Variants in DLG4 observed in about 807,000 individuals in gnomAD.
The protein encoded by DLG4 is disks large homolog 4.
Under a neutral mutation model 93.8 loss-of-function variants are expected in DLG4, and 7 were observed. That is an observed-to-expected ratio of 0.07 (90% CI 0.04 to 0.14). The LOEUF is 0.14. Ranked by LOEUF, DLG4 falls within the 10% of genes least tolerant of loss-of-function variation. The pLI is 1.00. For synonymous variants in DLG4, 341 were observed against 387.6 expected (o/e 0.88, Z 1.41); for missense variants, 545 against 992.9 (o/e 0.55, Z 6.06).
rs1207817435 is a variant in DLG4, at chr17:7,196,677, C to T, written c.1083+80G>A. 2 of 1,580,144 alleles carry T rather than the reference C, an allele frequency of 1.3e-6. No individual in the cohort carries two copies. The highest frequency in any genetic ancestry group is 1.3e-5 in the African/African-American group (1 of 74,144). ...CCCGCAAGAGGACTCGGCTGCAGCC[C>T]ATCCAGGCCCCTCCCCAAGAGCTCT... is the stretch of plus-strand genomic sequence containing the variant. On this transcript the variant is annotated intron_variant, in intron 9 of 19. Transcript: ENST00000399506. This position sits in a 1 kb window ranked among gnomAD's most constrained non-coding sequence, Gnocchi z 8.3.
chr17:7,217,760 C>A (rs1351975316), upstream of DLG4: 6 of 1,535,094 alleles, frequency 3.9e-6, no homozygotes, highest in Admixed American at 9.8e-5. Flanking sequence ...AGCACAGAGG[C>A]CCCTGAGGCA....
Position 7,194,218 on chromosome 17 carries a change from A to G in DLG4, c.1478+101T>C, listed in dbSNP as rs1213918328. 2.1e-6 allele frequency: 3 copies of G among 1,455,912 alleles called. No homozygotes were observed. Among genetic ancestry groups the G allele is most frequent in the Admixed American group, 2.2e-5 (1 of 46,384 alleles). The allele number at this position is 1,455,912 out of a possible 1,614,324, so 90.2% of individuals were successfully genotyped here. A position where few individuals can be genotyped will look rare whatever the true frequency, so the allele number is the denominator to read the frequency against. On this transcript the variant is annotated intron_variant, in intron 12 of 19. Transcript: ENST00000399506. This position sits in a 1 kb window ranked among gnomAD's most constrained non-coding sequence, Gnocchi z 4.4. ...AGGGCCCAACAGACAAACCCCTAGG[A>G]GTTCAGAGGGCAAACCCATCCCCTG...
intron 1 of DLG4, 45 bp downstream of exon 1, chr17:7,217,073 A>G (rs2070950299): frequency 8.0e-7 from 1 of 1,252,296 alleles, no homozygotes; most frequent in South Asian, 3.7e-5. Context: ...CCTCCCCACA[A>G]ACTCATACCC....
rs766572006 is a variant in DLG4, at chr17:7,203,052, A to G, written c.643-5T>C. 2.5e-6 allele frequency: 4 copies of G among 1,598,016 alleles called. No homozygotes were observed. The highest frequency in any genetic ancestry group is 3.3e-5 in the Admixed American group (2 of 59,764). ...CTCTAGCCCCACACTGTTGACCTGG[A>G]GTCAAGGAAAGCAAAGCTCAGACAA... is the stretch of plus-strand genomic sequence containing the variant. On this transcript the variant is annotated splice_polypyrimidine_tract_variant and splice_region_variant and intron_variant, in intron 7 of 19. Coordinates refer to ENST00000399506, the MANE Select transcript of DLG4 (RefSeq NM_001321075.3). This position sits in a 1 kb window ranked among gnomAD's most constrained non-coding sequence, Gnocchi z 7.2.
chr17:7,217,595 C>A lies in DLG4; in HGVS notation c.-448G>T, dbSNP rs959213426. 2.2e-6 allele frequency: 3 copies of A among 1,348,064 alleles called. No individual in the cohort carries two copies. Among genetic ancestry groups the A allele is most frequent in the African/African-American group, 1.8e-5 (1 of 55,904 alleles). The allele number at this position is 1,348,064 out of a possible 1,614,324, so 83.5% of individuals were successfully genotyped here. A position where few individuals can be genotyped will look rare whatever the true frequency, so the allele number is the denominator to read the frequency against. On this transcript the variant is annotated 5_prime_UTR_variant, in exon 1 of 20. Transcript: ENST00000399506. ...TGGAAACGGCAGCGGCCGAGGGAGC[C>A]GTGGAGCCGAAGAGGGAAGGGGAGA...
At chr17:7,219,724 G>A, upstream of DLG4, 1 of 1,419,492 alleles carries the variant, frequency 7.0e-7, no homozygotes, top group East Asian at 2.6e-5. Flanking sequence ...TCACCCCGTC[G>A]GAGGACTAGA....
chr17:7,199,202 ATTAT>A (rs2069980294), intron 8 of DLG4, among the ~76,000 whole-genome samples: 1 of 151,088 alleles, frequency 6.6e-6, no homozygotes, highest in South Asian at 2.1e-4. Context: ...TTTTTTTTTA[ATTAT>A]TTATTTTTTT....
Position 7,191,914 on chromosome 17 carries a change from G to A in DLG4, c.1955C>T (p.Pro652Leu). 2 of 1,490,002 alleles carry A rather than the reference G, an allele frequency of 1.3e-6. No homozygotes were observed. Among genetic ancestry groups the A allele is most frequent in the South Asian group, 1.4e-5 (1 of 71,856 alleles). 92.3% of individuals were successfully genotyped at this position (1,490,002 alleles called of 1,614,324 possible). ...TCACAGCACATTCTCCAGGGAGCGGGGGCGGATGAAGATGGCGATGGGGTG... is the reference window on the plus strand; with the variant it reads ...TCACAGCACATTCTCCAGGGAGCGGAGGCGGATGAAGATGGCGATGGGGTG... ...HLHPIAIFIRPRSLENVLEIN... is the reference protein window; with the variant it reads ...HLHPIAIFIRLRSLENVLEIN... The change falls in exon 18 of 20, where the codon CCC (proline) becomes CTC (leucine). Residue 652 changes from proline to leucine, a missense_variant. Physicochemically the swap from Pro to Leu is moderately conservative, Grantham distance 98. Around this residue, in one of 5 missense-constraint regions of DLG4, gnomAD observed 428 missense variants for 741.4 expected, o/e 0.58. Transcript: ENST00000399506. This position sits in a 1 kb window ranked among gnomAD's most constrained non-coding sequence, Gnocchi z 6.6.
At chr17:7,204,864 G>C (rs1306630879) in intron 2 of DLG4, 11 of 854,338 alleles carry the variant, frequency 1.3e-5, no homozygotes, top group Non-Finnish European at 1.3e-5. Flanking sequence ...TCACCAACCA[G>C]CCGTCCAATC....
chr17:7,218,388 G>C, upstream of DLG4: 1 of 1,422,082 alleles, frequency 7.0e-7, no homozygotes, highest in Non-Finnish European at 9.7e-7. Context: ...AGCCCTTTCA[G>C]CCAAGGCTGG....
chr17:7,206,753 C>T (rs2070483352), intron 2 of DLG4, among the ~76,000 whole-genome samples: 1 of 152,102 alleles, frequency 6.6e-6, no homozygotes, highest in African/African-American at 2.4e-5. Flanking sequence ...CTTCCTATCC[C>T]CCAACTCCTC....
upstream of DLG4, chr17:7,218,549 G>A: frequency 6.4e-7 from 1 of 1,560,366 alleles, no homozygotes. Flanking sequence ...ACCCAGCAAG[G>A]CCTGGAAGAG....
chr17:7,205,295 G>T (rs538606309), intron 2 of DLG4: 4 of 542,340 alleles, frequency 7.4e-6, no homozygotes, highest in Non-Finnish European at 9.4e-6. Context: ...GACGTCAATC[G>T]CCTGGTCTCT....
At chr17:7,219,965 G>A, upstream of DLG4, 1 of 1,595,590 alleles carries the variant, frequency 6.3e-7, no homozygotes, top group Non-Finnish European at 8.5e-7. Flanking sequence ...CGAGCCAGCG[G>A]CGCCCGGAGA....
chr17:7,215,533 G>A (rs1025057527), intron 1 of DLG4, among the ~76,000 whole-genome samples: 2 of 152,324 alleles, frequency 1.3e-5, no homozygotes, highest in East Asian at 1.9e-4. Flanking sequence ...AGGAGACAGC[G>A]GGAGCAGAGG....
chr17:7,191,659 C>T lies in DLG4; in HGVS notation c.1976+234G>A. 1.7e-6 allele frequency: 1 copy of T among 587,066 alleles called. No individual in the cohort carries two copies. The highest frequency in any genetic ancestry group is 3.1e-6 in the Non-Finnish European group (1 of 325,570). 36.4% of individuals were successfully genotyped at this position (587,066 alleles called of 1,614,324 possible). A position where few individuals can be genotyped will look rare whatever the true frequency, so the allele number is the denominator to read the frequency against. On this transcript the variant is annotated intron_variant, in intron 18 of 19. Coordinates refer to ENST00000399506, the MANE Select transcript of DLG4 (RefSeq NM_001321075.3). The surrounding 1 kb of genome is among the most constrained non-coding windows in gnomAD (Gnocchi z 6.6). ...CAACAGCCCTAGAGGCCCTGACTCG[C>T]CCCAGCTGGTATGCCCCAGGGGCTG... is the stretch of plus-strand genomic sequence containing the variant.
chr17:7,198,264 C>T (rs1597457507), intron 8 of DLG4, among the ~76,000 whole-genome samples: 1 of 151,950 alleles, frequency 6.6e-6, no homozygotes, highest in East Asian at 1.9e-4. Context: ...AGGCAGATCA[C>T]TTGAGGTTAA....
In DLG4 at chr17:7,193,417, G is replaced by C; in HGVS notation, c.1693+66C>G. ...CCAGGAGGCTCTGCCTATGGCCCCA[G>C]GGATGGGCCTCCCCTGCCCCACCCC... On this transcript the variant is annotated intron_variant, in intron 16 of 19. Transcript: ENST00000399506. The surrounding 1 kb of genome is among the most constrained non-coding windows in gnomAD (Gnocchi z 6.7). 1 of 1,440,398 alleles carries C rather than the reference G, an allele frequency of 6.9e-7. No individual in the cohort carries two copies. The highest frequency in any genetic ancestry group is 9.3e-7 in the Non-Finnish European group (1 of 1,079,248). The allele number at this position is 1,440,398 out of a possible 1,614,324, so 89.2% of individuals were successfully genotyped here.
Position 7,191,139 on chromosome 17 carries a change from C to T in DLG4, c.2068+128G>A, listed in dbSNP as rs1739915323. On this transcript the variant is annotated intron_variant, in intron 19 of 19. Transcript: ENST00000399506. The surrounding 1 kb of genome is among the most constrained non-coding windows in gnomAD (Gnocchi z 6.6). ...TGCCCGCCAGTGCTGGGATTACAGG[C>T]GTGAGCCACCATGCCGCGCCCACAG... is the stretch of plus-strand genomic sequence containing the variant. 8.7e-6 allele frequency: 7 copies of T among 808,874 alleles called. No individual in the cohort carries two copies. Among genetic ancestry groups the T allele is most frequent in the African/African-American group, 1.7e-5 (1 of 57,772 alleles). 50.1% of individuals were successfully genotyped at this position (808,874 alleles called of 1,614,324 possible). A position where few individuals can be genotyped will look rare whatever the true frequency, so the allele number is the denominator to read the frequency against.
Sources: gnomAD v4.1 joint callset for allele counts (sites outside exome capture counted in the v4.1 genomes callset) on GRCh38, gnomAD v4.1.1 for gene constraint, gnomAD v4.1.1 regional missense constraint, Gnocchi (gnomAD v3.1) non-coding constraint, MANE v1.5 for transcripts, NCBI Gene and HGNC (gene_info 2026-07-23, HGNC 2026-07-21) for gene names.